Variants in PLD5 observed in about 807,000 individuals in gnomAD.
PLD5 encodes inactive phospholipase D5.
A neutral mutation model predicts 61.1 loss-of-function variants in PLD5; 36 were observed. The observed-to-expected ratio is 0.59, with a 90% CI of 0.45 to 0.78. The LOEUF is 0.78. Among genes scored for constraint, PLD5 ranks in the 30% least tolerant of loss-of-function variants. The pLI, the probability that PLD5 is intolerant of heterozygous loss-of-function variation, is 0.00. For synonymous variants in PLD5, 243 were observed against 242.8 expected (o/e 1.00, Z -0.01); for missense variants, 515 against 644.4 (o/e 0.80, Z 2.17).
intron 9 of PLD5, among the ~76,000 whole-genome samples, chr1:242,098,060 G>A (rs1660387152): frequency 6.6e-6 from 1 of 152,140 alleles, no homozygotes; most frequent in South Asian, 2.1e-4. Context: ...TTCTCAAGGA[G>A]TATCTTTGTG....
chr1:242,241,616 G>A (rs1672011346), intron 4 of PLD5, among the ~76,000 whole-genome samples: 1 of 151,932 alleles, frequency 6.6e-6, no homozygotes. Context: ...AGCAAACTGT[G>A]TGGAATCAAA....
intron 4 of PLD5, among the ~76,000 whole-genome samples, chr1:242,236,402 A>G (rs2149048574): frequency 6.6e-6 from 1 of 152,298 alleles, no homozygotes; most frequent in South Asian, 2.1e-4. Flanking sequence ...TTTTATGTCT[A>G]TTTTCACAAG....
chr1:242,131,352 C>G (rs528954551), intron 5 of PLD5, among the ~76,000 whole-genome samples: 13 of 152,080 alleles, frequency 8.5e-5, no homozygotes, highest in Non-Finnish European at 1.9e-4. Context: ...TGGTTCCGTT[C>G]TCTCTCTTGC....
chr1:242,469,064 G>C (rs1265612742), intron 1 of PLD5, among the ~76,000 whole-genome samples: 1 of 152,182 alleles, frequency 6.6e-6, no homozygotes. Flanking sequence ...GCTGCAAACT[G>C]CTTAAGAGTC....
At chr1:242,216,908 T>C (rs1363629941) in intron 5 of PLD5, among the ~76,000 whole-genome samples, 1 of 152,196 alleles carries the variant, frequency 6.6e-6, no homozygotes, top group Non-Finnish European at 1.5e-5. Context: ...CCAATACACA[T>C]CTACCATCAT....
chr1:242,245,535 G>A (rs1031280874), intron 4 of PLD5, among the ~76,000 whole-genome samples: 2 of 152,214 alleles, frequency 1.3e-5, no homozygotes, highest in Non-Finnish European at 2.9e-5. Flanking sequence ...TCAGGAGGAA[G>A]CACAGACCCA....
chr1:242,152,933 C>T (rs1329413223), intron 5 of PLD5, among the ~76,000 whole-genome samples: 1 of 152,204 alleles, frequency 6.6e-6, no homozygotes, highest in Non-Finnish European at 1.5e-5. Context: ...AATCGCCACA[C>T]TGTCTTCCAC....
At position 242,089,343 on chromosome 1, in the gene PLD5, G is replaced by GT; in HGVS notation, c.*510dup. ...ACAGAAAAGGATATTTTTCAAGGGT[G>GT]TTGAAGGCTGGCATGAGATGTAAGC... On this transcript the variant is annotated 3_prime_UTR_variant, in exon 10 of 10. Coordinates refer to ENST00000536534, the MANE Select transcript of PLD5 (RefSeq NM_001372062.1). The GT allele has an allele frequency of 5.0e-6, 2 of 401,046 alleles. No homozygotes were observed. The highest frequency in any genetic ancestry group is 8.8e-6 in the Non-Finnish European group (2 of 227,632). 24.8% of individuals were successfully genotyped at this position (401,046 alleles called of 1,614,324 possible).
intron 1 of PLD5, among the ~76,000 whole-genome samples, chr1:242,420,315 C>T (rs1332495003): frequency 2.0e-5 from 3 of 152,100 alleles, no homozygotes; most frequent in African/African-American, 7.2e-5. Flanking sequence ...CTAGAGCCCT[C>T]GCCCTCAATC....
chr1:242,128,569 A>T (rs1047167277), intron 5 of PLD5, among the ~76,000 whole-genome samples: 1 of 152,212 alleles, frequency 6.6e-6, no homozygotes, highest in African/African-American at 2.4e-5. Flanking sequence ...GCAAACAAAA[A>T]CAACTATTGC....
intron 2 of PLD5, among the ~76,000 whole-genome samples, chr1:242,321,792 C>T (rs1414827461): frequency 1.3e-5 from 2 of 152,120 alleles, no homozygotes; most frequent in Admixed American, 6.5e-5. Context: ...CTTGTGTGCA[C>T]GTTTATAAAT....
chr1:242,206,530 A>G (rs1669323480), intron 5 of PLD5, among the ~76,000 whole-genome samples: 1 of 152,238 alleles, frequency 6.6e-6, no homozygotes, highest in Non-Finnish European at 1.5e-5. Context: ...CCAGAAACTT[A>G]ACTACTAATA....
intron 1 of PLD5, among the ~76,000 whole-genome samples, chr1:242,400,853 A>G (rs958948921): frequency 1.3e-5 from 2 of 152,354 alleles, no homozygotes; most frequent in East Asian, 3.9e-4. Flanking sequence ...ATTATGGAAC[A>G]GGAAGAATTC....
At position 242,152,373 on chromosome 1, in the gene PLD5, C is replaced by T. The variant is rs141145774; in HGVS notation, c.736-27708G>A. 6.3e-4 allele frequency among the ~76,000 whole-genome samples: 96 copies of T among 151,932 alleles called. 1 individual carries two copies. The highest frequency in any genetic ancestry group is 2.2e-3 in the African/African-American group (90 of 41,424). On this transcript the variant is annotated intron_variant, in intron 5 of 9. Coordinates refer to ENST00000536534, the MANE Select transcript of PLD5 (RefSeq NM_001372062.1). ...AATGTCCCTATTTTTTTTCTTATTA[C>T]ACTTTAAGTTCTGGGATACATGTAC...
chr1:242,454,578 G>A (rs370405039), intron 1 of PLD5, among the ~76,000 whole-genome samples: 1 of 152,102 alleles, frequency 6.6e-6, no homozygotes, highest in East Asian at 1.9e-4. Flanking sequence ...GAGACACAGG[G>A]GAAAACATAT....
In PLD5 at chr1:242,382,140, C is replaced by CAAAAAAAAA. The variant is rs771218262; in HGVS notation, c.190-33899_190-33898insTTTTTTTTT. The stretch of plus-strand genomic sequence containing the variant: ...GAGACTTTGACAGCAAAAAAAAAAA[C>CAAAAAAAAA]AAAACAAAAAACTGAACATAGAAGA... On this transcript the variant is annotated intron_variant, in intron 1 of 9. Coordinates refer to ENST00000536534, the MANE Select transcript of PLD5 (RefSeq NM_001372062.1). Among the ~76,000 whole-genome samples the CAAAAAAAAA allele has an allele frequency of 4.7e-4, 47 of 99,232 alleles. No homozygotes were observed. In the East Asian group the frequency reaches 0.012, roughly 26 times the overall value. The allele number at this position is 99,232 out of a possible 152,430, so 65.1% of individuals were successfully genotyped here. A position where few individuals can be genotyped will look rare whatever the true frequency, so the allele number is the denominator to read the frequency against.
rs1435752105 is a variant in PLD5 at position 242,132,123 on chromosome 1, G to A, written c.736-7458C>T. On this transcript the variant is annotated intron_variant, in intron 5 of 9. Coordinates refer to ENST00000536534, the MANE Select transcript of PLD5 (RefSeq NM_001372062.1). Reference sequence around the variant, plus strand: ...TGTGATTACAGGCATGAGCCACCACGCCCAGACTTTTATTTCTTATTTTGT... The same window carrying A: ...TGTGATTACAGGCATGAGCCACCACACCCAGACTTTTATTTCTTATTTTGT... 4.3e-5 allele frequency among the ~76,000 whole-genome samples: 6 copies of A among 138,824 alleles called. No homozygotes were observed. The South Asian group carries it at 6.8e-4, about 16-fold the overall frequency. 91.1% of individuals were successfully genotyped at this position (138,824 alleles called of 152,430 possible). A position where few individuals can be genotyped will look rare whatever the true frequency, so the allele number is the denominator to read the frequency against.
intron 4 of PLD5, among the ~76,000 whole-genome samples, chr1:242,255,275 C>T (rs1404540100): frequency 6.6e-6 from 1 of 152,050 alleles, no homozygotes; most frequent in East Asian, 1.9e-4. Context: ...AGGGAAACTA[C>T]CAAATTATAC....
At chr1:242,265,752 T>C (rs1673635190) in intron 3 of PLD5, among the ~76,000 whole-genome samples, 1 of 152,198 alleles carries the variant, frequency 6.6e-6, no homozygotes, top group Non-Finnish European at 1.5e-5. Flanking sequence ...TATCTACACA[T>C]GAAGAGGCAG....
Sources: allele counts gnomAD v4.1 joint callset (sites outside exome capture counted in the v4.1 genomes callset), GRCh38; gene constraint gnomAD v4.1.1; transcripts MANE v1.5; gene names NCBI Gene and HGNC (gene_info 2026-07-23, HGNC 2026-07-21).